DOCK3: variants seen among roughly 807,000 people sequenced by gnomAD.
DOCK3 encodes the protein dedicator of cytokinesis protein 3.
Under a neutral mutation model 265.6 loss-of-function variants are expected in DOCK3, and 60 were observed. That is an observed-to-expected ratio of 0.23 (90% CI 0.18 to 0.28). The LOEUF (loss-of-function observed/expected upper bound fraction) is 0.28. Ranked by LOEUF, DOCK3 falls within the 10% of genes least tolerant of loss-of-function variation. The pLI, the probability that DOCK3 is intolerant of heterozygous loss-of-function variation, is 1.00. For missense variants in DOCK3, 1,981 were observed against 2,594.3 expected (o/e 0.76, Z 5.14); for synonymous variants, 881 against 938.0 (o/e 0.94, Z 1.11).
At chr3:50,869,800 A>G (rs976877498) in intron 3 of DOCK3, among the ~76,000 whole-genome samples, 4 of 152,178 alleles carry the variant, frequency 2.6e-5, no homozygotes, top group African/African-American at 9.7e-5. Flanking sequence ...TTATACCTGT[A>G]AACTTCCATC....
chr3:50,725,697 G>A (rs1307385229), intron 1 of DOCK3, among the ~76,000 whole-genome samples: 1 of 152,134 alleles, frequency 6.6e-6, no homozygotes, highest in Non-Finnish European at 1.5e-5. Flanking sequence ...TATATTCCTG[G>A]TATGGTTTGC....
chr3:51,350,313 A>G lies in DOCK3; in HGVS notation c.4028A>G (p.Asn1343Ser), dbSNP rs1438970061. The G allele has an allele frequency of 6.2e-7, 1 of 1,608,432 alleles. No individual in the cohort carries two copies. Among genetic ancestry groups the G allele is most frequent in the Admixed American group, 1.7e-5 (1 of 58,232 alleles). ...IRKMEASYYDNIMEQQRLEPE... is the reference protein window; with the variant it reads ...IRKMEASYYDSIMEQQRLEPE... ...AAAATGGAGGCCAGCTACTATGACA[A>G]CATTATGGAGCAGCAACGCCTGGAG... Residue 1343 changes from asparagine to serine, a missense_variant, in exon 40 of 53, where the codon AAC (asparagine) becomes AGC (serine). Transcript: ENST00000266037.
At chr3:50,911,697 G>T (rs1305454772) in intron 4 of DOCK3, among the ~76,000 whole-genome samples, 1 of 150,162 alleles carries the variant, frequency 6.7e-6, no homozygotes, top group South Asian at 2.1e-4. Context: ...GAACATAATT[G>T]TTTTTTGAGA....
intron 19 of DOCK3, among the ~76,000 whole-genome samples, chr3:51,233,354 C>CTATTTATTTATTTATT (rs1219559169): frequency 9.7e-5 from 11 of 113,218 alleles, no homozygotes; most frequent in African/African-American, 5.1e-4. Context: ...ATCTATCTAT[C>CTATTTATTTATTTATT]TATCTATTTA....
At position 50,863,384 on chromosome 3, in the gene DOCK3, A is replaced by T. The variant is rs116544419; in HGVS notation, c.162+21669A>T. 1,337 of 517,794 alleles carry T rather than the reference A, an allele frequency of 2.6e-3. 8 individuals are homozygous for T. Among genetic ancestry groups the T allele is most frequent in the African/African-American group, 0.023 (1,179 of 51,934 alleles). The allele number at this position is 517,794 out of a possible 1,614,324, so 32.1% of individuals were successfully genotyped here. A position where few individuals can be genotyped will look rare whatever the true frequency, so the allele number is the denominator to read the frequency against. ...GGTTCTTTGTGCTTGACAAGTTCCC[A>T]AATAATCACCAATAGCATAGCTCTG... On this transcript the variant is annotated intron_variant, in intron 3 of 52. Coordinates refer to ENST00000266037, the MANE Select transcript of DOCK3 (RefSeq NM_004947.5).
At chr3:51,272,245 T>C (rs944397171) in intron 24 of DOCK3, among the ~76,000 whole-genome samples, 3 of 151,292 alleles carry the variant, frequency 2.0e-5, no homozygotes, top group Non-Finnish European at 4.4e-5. Context: ...TATTAGAATT[T>C]TTATAATTTT....
At chr3:51,079,759 C>T (rs1438750630) in intron 7 of DOCK3, among the ~76,000 whole-genome samples, 1 of 152,070 alleles carries the variant, frequency 6.6e-6, no homozygotes, top group Admixed American at 6.6e-5. Context: ...ATTGGTGCTG[C>T]GAAAATATAA....
chr3:51,226,881 G>C (rs1440831190), intron 15 of DOCK3, among the ~76,000 whole-genome samples: 1 of 152,204 alleles, frequency 6.6e-6, no homozygotes, highest in Non-Finnish European at 1.5e-5. Flanking sequence ...TAGAAAACAG[G>C]CTGTCTCCAC....
Position 50,675,227 on chromosome 3 carries a change from C to A in DOCK3, c.-37C>A, listed in dbSNP as rs761304052. 3 of 1,144,148 alleles carry A rather than the reference C, an allele frequency of 2.6e-6. No individual in the cohort carries two copies. The highest frequency in any genetic ancestry group is 3.2e-6 in the Non-Finnish European group (3 of 926,506). 70.9% of individuals were successfully genotyped at this position (1,144,148 alleles called of 1,614,324 possible). A position where few individuals can be genotyped will look rare whatever the true frequency, so the allele number is the denominator to read the frequency against. ...CGGCCGTCCCCGCCGCGTTGTCGCC[C>A]GGTCGCCGCGCCCGCGGGGCCGCGC... On this transcript the variant is annotated 5_prime_UTR_variant, in exon 1 of 53. Transcript: ENST00000266037. This position sits in a 1 kb window ranked among gnomAD's most constrained non-coding sequence, Gnocchi z 6.1.
At chr3:51,339,872 C>G (rs1285765823) in intron 37 of DOCK3, among the ~76,000 whole-genome samples, 1 of 152,182 alleles carries the variant, frequency 6.6e-6, no homozygotes, top group Non-Finnish European at 1.5e-5. Flanking sequence ...AACGCTACTG[C>G]AATTAGATAG....
chr3:50,825,723 T>C (rs1249237007), intron 2 of DOCK3, among the ~76,000 whole-genome samples: 1 of 152,152 alleles, frequency 6.6e-6, no homozygotes, highest in Non-Finnish European at 1.5e-5. Flanking sequence ...AGTAGGAGAC[T>C]AGAAGACTTT....
At chr3:51,075,297 A>T in intron 6 of DOCK3, 59 bp from the exon 7 acceptor site, 1 of 1,452,946 alleles carries the variant, frequency 6.9e-7, no homozygotes, top group Non-Finnish European at 9.4e-7. Context: ...CCAGGCACAT[A>T]AAGAGAGATA....
chr3:51,266,290 G>GC (rs1221848413), intron 23 of DOCK3, among the ~76,000 whole-genome samples: 1 of 152,078 alleles, frequency 6.6e-6, no homozygotes, highest in Non-Finnish European at 1.5e-5. Context: ...TCCCCATCAA[G>GC]CTACCACTGA....
intron 23 of DOCK3, among the ~76,000 whole-genome samples, chr3:51,264,742 G>A (rs1449021238): frequency 6.6e-6 from 1 of 151,930 alleles, no homozygotes; most frequent in African/African-American, 2.4e-5. Flanking sequence ...CAGGAGAATG[G>A]CCTGAACCTG....
intron 9 of DOCK3, among the ~76,000 whole-genome samples, chr3:51,096,590 G>T (rs2082867704): frequency 6.6e-6 from 1 of 152,158 alleles, no homozygotes; most frequent in East Asian, 1.9e-4. Flanking sequence ...GTTAGAACAT[G>T]CTCCTTTAGC....
intron 51 of DOCK3, among the ~76,000 whole-genome samples, chr3:51,377,286 C>T (rs996885342): frequency 1.3e-5 from 2 of 152,290 alleles, no homozygotes; most frequent in African/African-American, 4.8e-5. Context: ...GGCAGCTAAT[C>T]AGACATTTGC....
chr3:51,270,731 C>T (rs1031523716), intron 23 of DOCK3, 84 bp from the exon 24 acceptor site: 1 of 1,409,468 alleles, frequency 7.1e-7, no homozygotes, highest in Non-Finnish European at 9.6e-7. Context: ...CTCAGCCTCT[C>T]ACCACCTTGT....
intron 5 of DOCK3, among the ~76,000 whole-genome samples, chr3:51,031,005 T>C (rs2080025157): frequency 6.6e-6 from 1 of 152,214 alleles, no homozygotes; most frequent in Non-Finnish European, 1.5e-5. Flanking sequence ...TGAAAACTCT[T>C]TAACTTCAAA....
intron 38 of DOCK3, among the ~76,000 whole-genome samples, chr3:51,343,119 G>A (rs1021074486): frequency 6.6e-6 from 1 of 152,070 alleles, no homozygotes; most frequent in Admixed American, 6.5e-5. Flanking sequence ...AAACCCAGAT[G>A]CTATGGGAAA....
Sources: gnomAD v4.1 joint callset for allele counts (sites outside exome capture counted in the v4.1 genomes callset) on GRCh38, gnomAD v4.1.1 for gene constraint, Gnocchi (gnomAD v3.1) non-coding constraint, MANE v1.5 for transcripts, NCBI Gene and HGNC (gene_info 2026-07-23, HGNC 2026-07-21) for gene names.